TNFAIP8: variants seen among roughly 807,000 people sequenced by gnomAD.
TNFAIP8 encodes TNF alpha induced protein 8.
In TNFAIP8, 7 loss-of-function variants were observed where a neutral mutation model predicts 13.3. The ratio of observed to expected loss-of-function variants is 0.52; its 90% CI spans 0.30 to 0.99. TNFAIP8 has a LOEUF of 0.99. TNFAIP8 is among the 50% of genes least tolerant of loss of function. The pLI is 0.07. For synonymous variants in TNFAIP8, 94 were observed against 87.6 expected, an observed-to-expected ratio of 1.07 and a Z score of -0.41; for missense variants, 258 against 236.9, an observed-to-expected ratio of 1.09 and a Z score of -0.58.
At position 119,392,950 on chromosome 5, in the gene TNFAIP8, A is replaced by G. The variant is rs1192602661; in HGVS notation, c.166A>G (p.Arg56Gly). Residue 56 changes from arginine (R) to glycine (G), a missense_variant, in exon 2 of 2, where the codon AGA becomes GGA. Coordinates refer to ENST00000504771, the MANE Select transcript of TNFAIP8 (RefSeq NM_014350.4). Reference protein sequence around the residue: ...TSSEVLDELYRVTREYTQNKK... With the variant: ...TSSEVLDELYGVTREYTQNKK... The stretch of plus-strand genomic sequence containing the variant: ...TAGTGAGGTGCTGGATGAGCTCTAC[A>G]GAGTGACCAGGGAGTACACCCAAAA... 1 of 1,610,666 alleles carries G rather than the reference A, an allele frequency of 6.2e-7. No homozygotes were observed. The highest frequency in any genetic ancestry group is 1.1e-5 in the South Asian group (1 of 90,344).
At chr5:119,389,039 A>G (rs573295412) in intron 1 of TNFAIP8, among the ~76,000 whole-genome samples, 3 of 152,184 alleles carry the variant, frequency 2.0e-5, no homozygotes, top group African/African-American at 7.2e-5. Flanking sequence ...GATGGAGGGA[A>G]ATGGATAGAA....
chr5:119,303,271 A>C (rs2112656183), intron 1 of TNFAIP8, among the ~76,000 whole-genome samples: 1 of 152,304 alleles, frequency 6.6e-6, no homozygotes, highest in South Asian at 2.1e-4. Context: ...GTTTTGTTTA[A>C]AGTGTATGTC....
intron 1 of TNFAIP8, among the ~76,000 whole-genome samples, chr5:119,336,607 C>T (rs1750558501): frequency 6.6e-6 from 1 of 152,144 alleles, no homozygotes; most frequent in South Asian, 2.1e-4. Flanking sequence ...CAGGTTTTCC[C>T]AATGGTATTC....
At chr5:119,282,002 G>C (rs1359467382) in intron 1 of TNFAIP8, among the ~76,000 whole-genome samples, 1 of 152,138 alleles carries the variant, frequency 6.6e-6, no homozygotes, top group Non-Finnish European at 1.5e-5. Flanking sequence ...ATTGTTGTCC[G>C]AAAGAGTCTA....
intron 1 of TNFAIP8, among the ~76,000 whole-genome samples, chr5:119,366,022 C>T (rs1033922127): frequency 5.3e-5 from 8 of 150,584 alleles, no homozygotes; most frequent in Non-Finnish European, 8.9e-5. Context: ...CAGTTGGGAG[C>T]GATGGGGAGT....
intron 1 of TNFAIP8, among the ~76,000 whole-genome samples, chr5:119,277,103 C>G (rs1346126623): frequency 6.6e-6 from 1 of 152,122 alleles, no homozygotes; most frequent in East Asian, 1.9e-4. Context: ...TCTGTCTTCA[C>G]TTTCTCTCAA....
intron 1 of TNFAIP8, among the ~76,000 whole-genome samples, chr5:119,299,215 G>A (rs997515806): frequency 3.9e-5 from 6 of 152,120 alleles, no homozygotes; most frequent in African/African-American, 1.4e-4. Flanking sequence ...TTTCTGCTCT[G>A]TTTTTTCCCC....
chr5:119,270,159 T>G (rs1748235176), intron 1 of TNFAIP8, among the ~76,000 whole-genome samples: 2 of 152,394 alleles, frequency 1.3e-5, no homozygotes, highest in South Asian at 4.1e-4. Flanking sequence ...AAGAAGCCAT[T>G]GTGCATTGGC....
chr5:119,364,454 C>G (rs1456836927), intron 1 of TNFAIP8, among the ~76,000 whole-genome samples: 1 of 151,888 alleles, frequency 6.6e-6, no homozygotes, highest in Non-Finnish European at 1.5e-5. Flanking sequence ...CTCAAGCAAT[C>G]TTCCTACCTT....
chr5:119,292,209 A>G (rs943645151), intron 1 of TNFAIP8, among the ~76,000 whole-genome samples: 4 of 152,044 alleles, frequency 2.6e-5, no homozygotes, highest in Admixed American at 6.6e-5. Context: ...GAAGTTCCCT[A>G]TTGCAGCTCT....
At chr5:119,273,517 T>C (rs998245554) in intron 1 of TNFAIP8, among the ~76,000 whole-genome samples, 4 of 152,116 alleles carry the variant, frequency 2.6e-5, no homozygotes, top group African/African-American at 9.7e-5. Flanking sequence ...CAAAGATAAG[T>C]GAGCCAGAGC....
At chr5:119,391,586 C>G (rs959710447) in intron 1 of TNFAIP8, 1 of 530,114 alleles carries the variant, frequency 1.9e-6, no homozygotes, top group African/African-American at 1.9e-5. Flanking sequence ...ATGGTGAAAC[C>G]CCGTCTCTAC....
chr5:119,289,343 A>G (rs1390044622), intron 1 of TNFAIP8, among the ~76,000 whole-genome samples: 1 of 152,176 alleles, frequency 6.6e-6, no homozygotes, highest in East Asian at 1.9e-4. Context: ...AAAGAGAGGC[A>G]TTCGGTCTTA....
chr5:119,328,672 G>C (rs1418036095), intron 1 of TNFAIP8, among the ~76,000 whole-genome samples: 1 of 152,122 alleles, frequency 6.6e-6, no homozygotes, highest in Non-Finnish European at 1.5e-5. Context: ...ATAACAGGTT[G>C]GTGATGGAGG....
At position 119,395,183 on chromosome 5, in the gene TNFAIP8, A is replaced by T. The variant is rs1195886047; in HGVS notation, c.*1802A>T. 1 of 152,236 alleles carries T rather than the reference A, an allele frequency of 6.6e-6. No individual in the cohort carries two copies. The highest frequency in any genetic ancestry group is 1.5e-5 in the Non-Finnish European group (1 of 68,034). 9.4% of individuals were successfully genotyped at this position (152,236 alleles called of 1,614,324 possible). ...TCTCACTTCCTAGAGCCAGTAGGTG[A>T]TCAGTATATGCTGTAACAATAACAC... is the stretch of plus-strand genomic sequence containing the variant. On this transcript the variant is annotated 3_prime_UTR_variant, in exon 2 of 2. Coordinates refer to ENST00000504771, the MANE Select transcript of TNFAIP8 (RefSeq NM_014350.4).
chr5:119,345,292 C>T (rs536655121), intron 1 of TNFAIP8, among the ~76,000 whole-genome samples: 4 of 152,142 alleles, frequency 2.6e-5, no homozygotes, highest in East Asian at 1.9e-4. Flanking sequence ...TTAAAATAAA[C>T]AAGTATTAGC....
At chr5:119,373,937 A>G (rs1345611607) in intron 1 of TNFAIP8, among the ~76,000 whole-genome samples, 2 of 152,164 alleles carry the variant, frequency 1.3e-5, no homozygotes, top group Non-Finnish European at 2.9e-5. Flanking sequence ...AGGCAACAAT[A>G]TCTGGCTAGA....
intron 1 of TNFAIP8, among the ~76,000 whole-genome samples, chr5:119,338,485 C>T (rs576881693): frequency 6.6e-6 from 1 of 152,340 alleles, no homozygotes; most frequent in South Asian, 2.1e-4. Context: ...TATCAGTCAC[C>T]AGACAGGCCA....
intron 1 of TNFAIP8, among the ~76,000 whole-genome samples, chr5:119,364,971 C>T (rs1459463137): frequency 1.3e-5 from 2 of 151,170 alleles, no homozygotes; most frequent in Non-Finnish European, 2.9e-5. Flanking sequence ...CCTGCCTCAG[C>T]CTCCCGAGTA....
Sources: gnomAD v4.1 joint callset for allele counts (sites outside exome capture counted in the v4.1 genomes callset) on GRCh38, gnomAD v4.1.1 for gene constraint, MANE v1.5 for transcripts, NCBI Gene and HGNC (gene_info 2026-07-23, HGNC 2026-07-21) for gene names.